Variants in SYN3 observed in about 807,000 individuals in gnomAD.
SYN3 encodes synapsin-3.
In SYN3, 35 loss-of-function variants were observed where a neutral mutation model predicts 65.8. The observed-to-expected ratio is 0.53, with a 90% CI of 0.41 to 0.70. The LOEUF is 0.70. SYN3 is among the 30% of genes least tolerant of loss of function. SYN3 has a pLI of 0.00. For missense variants in SYN3, 680 were observed against 749.0 expected, an observed-to-expected ratio of 0.91 and a Z score of 1.08; for synonymous variants, 270 against 292.9, an observed-to-expected ratio of 0.92 and a Z score of 0.80.
In SYN3 at chr22:32,937,171, A is replaced by G. The variant is rs140432354; in HGVS notation, c.370-5690T>C. On this transcript the variant is annotated intron_variant, in intron 3 of 13. Transcript: ENST00000358763. ...TAGAAACAGACGTGGAAATGGAGAG[A>G]TGATGGGAAGAGCAGAAATGGAAGT... Among the ~76,000 whole-genome samples, 554 of 152,356 alleles carry G rather than the reference A, an allele frequency of 3.6e-3. 3 individuals carry two copies. Among genetic ancestry groups the G allele is most frequent in the African/African-American group, 0.013 (530 of 41,580 alleles).
chr22:32,964,658 A>C (rs1478754293), intron 3 of SYN3, among the ~76,000 whole-genome samples: 1 of 152,160 alleles, frequency 6.6e-6, no homozygotes, highest in Non-Finnish European at 1.5e-5. Flanking sequence ...TCTGAATAAT[A>C]ATGAGCCTTA....
intron 6 of SYN3, among the ~76,000 whole-genome samples, chr22:32,643,571 C>T (rs1290154882): frequency 1.1e-5 from 1 of 91,352 alleles, no homozygotes; most frequent in African/African-American, 5.1e-5. Flanking sequence ...GGGGGCAGAA[C>T]AGACCCATAA....
chr22:33,005,367 A>G (rs190425766), intron 2 of SYN3, among the ~76,000 whole-genome samples: 93 of 152,256 alleles, frequency 6.1e-4, no homozygotes, highest in Non-Finnish European at 1.2e-3. Flanking sequence ...AGTTGGGCTC[A>G]CTTCCTGAAC....
intron 6 of SYN3, among the ~76,000 whole-genome samples, chr22:32,702,855 A>G (rs1219268760): frequency 2.0e-5 from 3 of 152,268 alleles, no homozygotes; most frequent in Non-Finnish European, 4.4e-5. Context: ...TTAATGATGC[A>G]GTAAAGTTGA....
Position 32,561,278 on chromosome 22 carries a change from C to T in SYN3, c.775-19565G>A, listed in dbSNP as rs11702997. Among the ~76,000 whole-genome samples, 902 of 152,258 alleles carry T rather than the reference C, an allele frequency of 5.9e-3. 5 individuals carry two copies. Among genetic ancestry groups the T allele is most frequent in the Admixed American group, 0.011 (168 of 15,292 alleles). Reference sequence around the variant, plus strand: ...GAGAGACAGACAGAGCCTAGGGCATCGGTGACTTCACTGAGACACTCATCA... The same window carrying T: ...GAGAGACAGACAGAGCCTAGGGCATTGGTGACTTCACTGAGACACTCATCA... On this transcript the variant is annotated intron_variant, in intron 7 of 13. Transcript: ENST00000358763.
intron 4 of SYN3, among the ~76,000 whole-genome samples, chr22:32,925,409 G>T (rs766865474): frequency 6.6e-5 from 10 of 152,214 alleles, no homozygotes; most frequent in Non-Finnish European, 8.8e-5. Flanking sequence ...TTTTCCAGGG[G>T]AGCATAATTC....
intron 6 of SYN3, among the ~76,000 whole-genome samples, chr22:32,833,385 G>A (rs1449219323): frequency 2.6e-5 from 4 of 152,152 alleles, no homozygotes; most frequent in African/African-American, 9.7e-5. Flanking sequence ...CACCTAGGTG[G>A]GAGAAAGCCA....
intron 6 of SYN3, among the ~76,000 whole-genome samples, chr22:32,663,121 A>C (rs2060238316): frequency 6.6e-6 from 1 of 152,200 alleles, no homozygotes; most frequent in Admixed American, 6.5e-5. Context: ...CAGAAGTGAA[A>C]TAAAAACAGT....
Position 32,665,489 on chromosome 22 carries a change from G to GTATATATATATATATATATATA in SYN3, c.712-68754_712-68753insTATATATATATATATATATATA, listed in dbSNP as rs130731. Among the ~76,000 whole-genome samples, 30 of 141,390 alleles carry GTATATATATATATATATATATA rather than the reference G, an allele frequency of 2.1e-4. No individual in the cohort carries two copies. The East Asian group carries it at 5.7e-3, about 27-fold the overall frequency. 92.8% of individuals were successfully genotyped at this position (141,390 alleles called of 152,430 possible). A position where few individuals can be genotyped will look rare whatever the true frequency, so the allele number is the denominator to read the frequency against. On this transcript the variant is annotated intron_variant, in intron 6 of 13. Coordinates refer to ENST00000358763, the MANE Select transcript of SYN3 (RefSeq NM_003490.4). ...GGCTGAGTAGTATGCCACAGTGTGT[G>GTATATATATATATATATATATA]TATATATATATATATATATATGTCT...
chr22:32,701,222 A>G (rs764650389), intron 6 of SYN3, among the ~76,000 whole-genome samples: 8 of 152,338 alleles, frequency 5.3e-5, no homozygotes, highest in South Asian at 2.1e-4. Context: ...AAAAGCTTCA[A>G]TGAGGACTTG....
At chr22:32,872,283 A>C (rs2048869973) in intron 4 of SYN3, among the ~76,000 whole-genome samples, 1 of 152,238 alleles carries the variant, frequency 6.6e-6, no homozygotes, top group Non-Finnish European at 1.5e-5. Context: ...GAATGAATGC[A>C]TATATGAACA....
chr22:32,811,230 G>A (rs1191092620), intron 6 of SYN3, among the ~76,000 whole-genome samples: 3 of 152,112 alleles, frequency 2.0e-5, no homozygotes, highest in Non-Finnish European at 4.4e-5. Flanking sequence ...GCAGACTGAG[G>A]GGGGCCCCAA....
intron 6 of SYN3, among the ~76,000 whole-genome samples, chr22:32,833,381 G>T (rs141534719): frequency 3.5e-4 from 53 of 152,274 alleles, no homozygotes; most frequent in Admixed American, 2.5e-3. Flanking sequence ...ATGTCACCTA[G>T]GTGGGAGAAA....
intron 6 of SYN3, among the ~76,000 whole-genome samples, chr22:32,673,948 A>G (rs1358895089): frequency 1.3e-5 from 2 of 152,262 alleles, no homozygotes; most frequent in East Asian, 3.9e-4. Flanking sequence ...GCACGATTGC[A>G]TATGAGCTAC....
At position 32,512,852 on chromosome 22, in the gene SYN3, T is replaced by A. The variant is rs1308094413; in HGVS notation, c.*840A>T. 6.6e-6 allele frequency: 1 copy of A among 152,148 alleles called. No homozygotes were observed. Among genetic ancestry groups the A allele is most frequent in the African/African-American group, 2.4e-5 (1 of 41,428 alleles). The allele number at this position is 152,148 out of a possible 1,614,324, so 9.4% of individuals were successfully genotyped here. ...CATTCCTGGTGGGAGGCCAGAGAGA[T>A]CAAACAGTGGTGGAACAGAATGGGT... is the stretch of plus-strand genomic sequence containing the variant. On this transcript the variant is annotated 3_prime_UTR_variant, in exon 14 of 14. Transcript: ENST00000358763.
intron 1 of SYN3, among the ~76,000 whole-genome samples, chr22:33,032,696 C>T (rs1205617856): frequency 6.6e-6 from 1 of 151,874 alleles, no homozygotes; most frequent in Non-Finnish European, 1.5e-5. Flanking sequence ...TCCAACCTGA[C>T]TCTGGTGTCT....
intron 7 of SYN3, among the ~76,000 whole-genome samples, chr22:32,586,164 A>T (rs2059039268): frequency 6.6e-6 from 1 of 151,488 alleles, no homozygotes; most frequent in African/African-American, 2.4e-5. Flanking sequence ...ACACAAACAC[A>T]TGCACACACA....
At chr22:32,567,627 G>A (rs2058692127) in intron 7 of SYN3, among the ~76,000 whole-genome samples, 1 of 152,140 alleles carries the variant, frequency 6.6e-6, no homozygotes, top group South Asian at 2.1e-4. Flanking sequence ...ATGGTCTACT[G>A]TGTGGTCGGG....
At chr22:32,798,215 A>G (rs1397084277) in intron 6 of SYN3, among the ~76,000 whole-genome samples, 2 of 152,170 alleles carry the variant, frequency 1.3e-5, no homozygotes, top group Non-Finnish European at 2.9e-5. Context: ...TTATTTAATC[A>G]GTGTAAGTAA....
Sources: allele counts gnomAD v4.1 joint callset (sites outside exome capture counted in the v4.1 genomes callset), GRCh38; gene constraint gnomAD v4.1.1; transcripts MANE v1.5; gene names NCBI Gene and HGNC (gene_info 2026-07-23, HGNC 2026-07-21).